COL28A1: variants seen among roughly 807,000 people sequenced by gnomAD.
COL28A1 encodes collagen alpha-1(XXVIII) chain.
A neutral mutation model predicts 150.2 loss-of-function variants in COL28A1; 161 were observed. The observed-to-expected ratio is 1.07, with a 90% CI of 0.94 to 1.22. The LOEUF (loss-of-function observed/expected upper bound fraction) is 1.22. Among genes scored for constraint, COL28A1 ranks in the 50% most tolerant of loss-of-function variants. The probability of loss-of-function intolerance (pLI) is 0.00; values close to 1 mark genes in which losing one functional copy is unlikely to be tolerated. For missense variants in COL28A1, 1,617 were observed against 1,388.3 expected (o/e 1.16, Z -2.62); for synonymous variants, 552 against 469.7 (o/e 1.18, Z -2.26).
chr7:7,448,958 T>C (rs1167375983), intron 18 of COL28A1, among the ~76,000 whole-genome samples: 1 of 152,092 alleles, frequency 6.6e-6, no homozygotes, highest in Non-Finnish European at 1.5e-5. Flanking sequence ...GTGGGAAGCC[T>C]ATTAGTGAAC....
In COL28A1 at chr7:7,490,648, T is replaced by C; in HGVS notation, c.1027-2A>G. On this transcript the variant is annotated splice_acceptor_variant, in intron 11 of 34. Coordinates refer to ENST00000399429, the MANE Select transcript of COL28A1 (RefSeq NM_001037763.3). LOFTEE classifies it high-confidence loss of function. ...AGGACCAGGAGGACCTGGCTCACCC[T>C]GGAGGAAGAAATAGTGACATCAGTT... 1 of 1,217,964 alleles carries C rather than the reference T, an allele frequency of 8.2e-7. No individual in the cohort carries two copies. The highest frequency in any genetic ancestry group is 1.2e-6 in the Non-Finnish European group (1 of 819,616). 75.4% of individuals were successfully genotyped at this position (1,217,964 alleles called of 1,614,324 possible).
At chr7:7,534,360 T>C (rs1782532387) in intron 1 of COL28A1, among the ~76,000 whole-genome samples, 1 of 152,176 alleles carries the variant, frequency 6.6e-6, no homozygotes, top group Non-Finnish European at 1.5e-5. Flanking sequence ...TCTCCTCAAG[T>C]TGTCCCTTTG....
chr7:7,426,970 G>C (rs540914383), intron 25 of COL28A1, among the ~76,000 whole-genome samples: 4 of 152,282 alleles, frequency 2.6e-5, no homozygotes, highest in African/African-American at 9.6e-5. Flanking sequence ...GTTCCTCCAA[G>C]TCTGCATGAT....
chr7:7,421,005 A>G (rs937852209), intron 25 of COL28A1, among the ~76,000 whole-genome samples: 2 of 152,244 alleles, frequency 1.3e-5, no homozygotes, highest in African/African-American at 4.8e-5. Flanking sequence ...CCCAAAGAAA[A>G]TAAAAATGTA....
chr7:7,358,511 A>G lies in COL28A1; in HGVS notation c.*122T>C, dbSNP rs548697218. The stretch of plus-strand genomic sequence containing the variant: ...ATCCTAGGGCTGTAGTGAGAATTCA[A>G]TTACATGTATAAGTTGTAAATACTC... On this transcript the variant is annotated 3_prime_UTR_variant, in exon 35 of 35. Coordinates refer to ENST00000399429, the MANE Select transcript of COL28A1 (RefSeq NM_001037763.3). 3.8e-5 allele frequency: 34 copies of G among 889,460 alleles called. No homozygotes were observed. Among genetic ancestry groups the G allele is most frequent in the Admixed American group, 1.9e-4 (8 of 42,960 alleles). The allele number at this position is 889,460 out of a possible 1,614,324, so 55.1% of individuals were successfully genotyped here.
intron 25 of COL28A1, among the ~76,000 whole-genome samples, chr7:7,426,625 G>C (rs1784655385): frequency 2.0e-5 from 3 of 152,064 alleles, no homozygotes; most frequent in Admixed American, 2.0e-4. Context: ...TTCCTCTCAA[G>C]TATTTTCTCA....
chr7:7,376,433 T>G (rs1180025054), intron 30 of COL28A1, among the ~76,000 whole-genome samples: 2 of 152,200 alleles, frequency 1.3e-5, no homozygotes, highest in African/African-American at 4.8e-5. Context: ...TTAATTTAAC[T>G]TTTTAAACTG....
At chr7:7,349,236 G>A in the COL28A1 span, among the ~76,000 whole-genome samples, 2 of 152,008 alleles carry the variant, frequency 1.3e-5, no homozygotes, top group African/African-American at 4.8e-5. Context: ...AACATACTTT[G>A]TATGATTTGA....
At chr7:7,478,485 C>A (rs1363339448) in intron 13 of COL28A1, among the ~76,000 whole-genome samples, 1 of 152,288 alleles carries the variant, frequency 6.6e-6, no homozygotes, top group East Asian at 1.9e-4. Context: ...TGGCTTCACC[C>A]AGTGGATCTC....
intron 15 of COL28A1, among the ~76,000 whole-genome samples, chr7:7,458,774 C>T (rs6963106): frequency 0.12 from 17,690 of 152,164 alleles, 1,117 homozygotes; most frequent in Middle Eastern, 0.21. Flanking sequence ...CCCCAGGTCA[C>T]GCAACTGTTA....
chr7:7,371,000 C>T, intron 32 of COL28A1, 118 bp from the exon 33 acceptor site: 1 of 707,060 alleles, frequency 1.4e-6, no homozygotes, highest in Non-Finnish European at 2.3e-6. Flanking sequence ...TTGAAATCAA[C>T]TGCTAAGTTA....
At position 7,373,578 on chromosome 7, in the gene COL28A1, T is replaced by C; in HGVS notation, c.2360-32A>G. On this transcript the variant is annotated intron_variant, in intron 31 of 34. Coordinates refer to ENST00000399429, the MANE Select transcript of COL28A1 (RefSeq NM_001037763.3). The surrounding 1 kb of genome is among the most constrained non-coding windows in gnomAD (Gnocchi z 4.1). Reference sequence around the variant, plus strand: ...GATGAATGTTGAGAGAGAAAAATTGTGGGAATGATTGACATCAGATTGTTG... The same window carrying C: ...GATGAATGTTGAGAGAGAAAAATTGCGGGAATGATTGACATCAGATTGTTG... The C allele has an allele frequency of 6.4e-7, 1 of 1,569,316 alleles. No individual in the cohort carries two copies.
intron 27 of COL28A1, among the ~76,000 whole-genome samples, chr7:7,400,433 T>C (rs1304162841): frequency 6.6e-6 from 1 of 152,200 alleles, no homozygotes; most frequent in African/African-American, 2.4e-5. Context: ...AGCCAAGGAA[T>C]ATGAGGAATG....
At chr7:7,429,477 G>T (rs557559919) in intron 25 of COL28A1, among the ~76,000 whole-genome samples, 30 of 150,746 alleles carry the variant, frequency 2.0e-4, no homozygotes, top group East Asian at 1.9e-3. Context: ...TGTGTGTGGG[G>T]GGGGGGATGG....
chr7:7,393,322 A>G (rs894831571), intron 27 of COL28A1, among the ~76,000 whole-genome samples: 1 of 152,174 alleles, frequency 6.6e-6, no homozygotes, highest in African/African-American at 2.4e-5. Flanking sequence ...CACCTGTTCA[A>G]TCCTCTGGAA....
chr7:7,462,868 A>T (rs1008064126), intron 15 of COL28A1, among the ~76,000 whole-genome samples: 1 of 151,818 alleles, frequency 6.6e-6, no homozygotes, highest in Non-Finnish European at 1.5e-5. Flanking sequence ...TCTCAAAAAA[A>T]AAAAAAAGAA....
chr7:7,386,493 G>T (rs993044255), intron 27 of COL28A1, among the ~76,000 whole-genome samples: 5 of 152,200 alleles, frequency 3.3e-5, no homozygotes, highest in South Asian at 2.1e-4. Flanking sequence ...AGCATCTAAG[G>T]AAAGTCAAGA....
chr7:7,450,411 G>A (rs1028665325), intron 18 of COL28A1, among the ~76,000 whole-genome samples: 1 of 151,998 alleles, frequency 6.6e-6, no homozygotes, highest in African/African-American at 2.4e-5. Flanking sequence ...TAGAAATATA[G>A]AATTTAAAAC....
Position 7,453,468 on chromosome 7 carries a change from G to C in COL28A1, c.1412C>G (p.Pro471Arg). The change falls in exon 17 of 35, where the codon CCC becomes CGC. Residue 471 changes from proline (P) to arginine (R), a missense_variant. By Grantham distance (103) the Pro-to-Arg change is moderately radical. Transcript: ENST00000399429. ...GGAACCAGGTAAGCCCTGTCCTGCG[G>C]GCCCTTGTGGACCAGGTGGACCAAT... Reference protein sequence around the residue: ...GPIGPPGPQGPAGQGLPGSKG... With the variant: ...GPIGPPGPQGRAGQGLPGSKG... 7.7e-7 allele frequency: 1 copy of C among 1,305,038 alleles called. No homozygotes were observed. Among genetic ancestry groups the C allele is most frequent in the Non-Finnish European group, 1.1e-6 (1 of 899,416 alleles). 80.8% of individuals were successfully genotyped at this position (1,305,038 alleles called of 1,614,324 possible). A position where few individuals can be genotyped will look rare whatever the true frequency, so the allele number is the denominator to read the frequency against.
Sources: gnomAD v4.1 joint callset for allele counts (sites outside exome capture counted in the v4.1 genomes callset) on GRCh38, gnomAD v4.1.1 for gene constraint, Gnocchi (gnomAD v3.1) non-coding constraint, MANE v1.5 for transcripts, NCBI Gene and HGNC (gene_info 2026-07-23, HGNC 2026-07-21) for gene names.